TENM4: variants seen among roughly 807,000 people sequenced by gnomAD.
TENM4 encodes the protein teneurin-4.
TENM4 carries 82 observed loss-of-function variants against 243.3 expected under a neutral mutation model. The ratio of observed to expected loss-of-function variants is 0.34; its 90% CI spans 0.28 to 0.40. The LOEUF (loss-of-function observed/expected upper bound fraction) is 0.40. TENM4 is among the 10% of genes least tolerant of loss of function. The probability of loss-of-function intolerance (pLI) is 1.00; values close to 1 mark genes in which losing one functional copy is unlikely to be tolerated. For synonymous variants in TENM4, 1,412 were observed against 1,456.3 expected, an observed-to-expected ratio of 0.97 and a Z score of 0.69; for missense variants, 3,138 against 3,673.3, an observed-to-expected ratio of 0.85 and a Z score of 3.77.
chr11:79,430,829 A>G (rs1050620100), intron 1 of TENM4, among the ~76,000 whole-genome samples: 30 of 152,170 alleles, frequency 2.0e-4, no homozygotes, highest in African/African-American at 5.8e-4. Context: ...AGAATCACCT[A>G]CTACATGTAG....
intron 6 of TENM4, among the ~76,000 whole-genome samples, chr11:78,932,384 G>GA (rs1329760636): frequency 6.6e-6 from 1 of 152,196 alleles, no homozygotes; most frequent in East Asian, 1.9e-4. Context: ...TGATGATGCT[G>GA]TGGCCTCCGA....
At chr11:78,967,420 G>A (rs1857459688) in intron 6 of TENM4, among the ~76,000 whole-genome samples, 1 of 152,192 alleles carries the variant, frequency 6.6e-6, no homozygotes, top group African/African-American at 2.4e-5. Context: ...GAGAACACTA[G>A]AAAAAGGAAA....
chr11:79,422,067 G>C (rs1027417265), intron 1 of TENM4: 1 of 153,464 alleles, frequency 6.5e-6, no homozygotes, highest in Non-Finnish European at 1.5e-5. Flanking sequence ...ATTCCCCCAG[G>C]ATGCAATAAC....
At chr11:79,298,252 A>G (rs530716054) in intron 1 of TENM4, among the ~76,000 whole-genome samples, 1 of 152,148 alleles carries the variant, frequency 6.6e-6, no homozygotes, top group Non-Finnish European at 1.5e-5. Context: ...CCTCATATGA[A>G]AAACAGGAAT....
intron 6 of TENM4, among the ~76,000 whole-genome samples, chr11:78,925,021 G>A (rs1051430187): frequency 3.9e-4 from 59 of 152,292 alleles, no homozygotes; most frequent in African/African-American, 1.3e-3. Flanking sequence ...AAAATTAAAA[G>A]TAATTTCATA....
At chr11:78,711,564 A>G (rs565058153) in intron 26 of TENM4, among the ~76,000 whole-genome samples, 120 of 152,344 alleles carry the variant, frequency 7.9e-4, no homozygotes, top group African/African-American at 2.7e-3. Context: ...TCTACAGGTT[A>G]TTATTAAACA....
At chr11:79,392,344 A>T (rs1022906778) in intron 1 of TENM4, among the ~76,000 whole-genome samples, 7 of 152,230 alleles carry the variant, frequency 4.6e-5, no homozygotes, top group Non-Finnish European at 1.0e-4. Context: ...GAAATGGAAC[A>T]GTTACTTCAT....
intron 6 of TENM4, among the ~76,000 whole-genome samples, chr11:78,965,821 GTTA>G (rs10578248): frequency 0.31 from 47,501 of 151,920 alleles, 8,380 homozygotes; most frequent in Non-Finnish European, 0.41. Flanking sequence ...GTGAAGTACA[GTTA>G]TTATTGGAAA....
At position 78,663,546 on chromosome 11, in the gene TENM4, T is replaced by G. The variant is rs758567401; in HGVS notation, c.7409-1955A>C. Among the ~76,000 whole-genome samples, 37 of 152,154 alleles carry G rather than the reference T, an allele frequency of 2.4e-4. 1 individual carries two copies. The highest frequency in any genetic ancestry group is 1.0e-4 in the Non-Finnish European group (7 of 68,030). ...CGTGTGGCACCCCTCCCTTCTCTCT[T>G]GCTACCTCTCTTGCCATGGCCACAC... On this transcript the variant is annotated intron_variant, in intron 32 of 33. Transcript: ENST00000278550.
At chr11:78,702,724 C>T (rs749359297) in intron 27 of TENM4, among the ~76,000 whole-genome samples, 1 of 152,168 alleles carries the variant, frequency 6.6e-6, no homozygotes, top group East Asian at 1.9e-4. Context: ...CTACTTATGA[C>T]TGTGGGCAAG....
chr11:79,012,168 A>G (rs986828931), intron 6 of TENM4, among the ~76,000 whole-genome samples: 3 of 152,148 alleles, frequency 2.0e-5, no homozygotes, highest in Non-Finnish European at 4.4e-5. Context: ...GATCAGCACA[A>G]TTTCCAGATA....
chr11:79,158,670 G>A (rs1367048607), intron 3 of TENM4, among the ~76,000 whole-genome samples: 1 of 152,160 alleles, frequency 6.6e-6, no homozygotes, highest in Non-Finnish European at 1.5e-5. Context: ...TACACACACT[G>A]TCACATTTAC....
intron 28 of TENM4, among the ~76,000 whole-genome samples, chr11:78,691,735 A>G (rs1217346565): frequency 1.3e-5 from 2 of 152,230 alleles, no homozygotes; most frequent in Admixed American, 6.5e-5. Context: ...GAGGGTCAAA[A>G]AAACAGTAAT....
intron 12 of TENM4, among the ~76,000 whole-genome samples, chr11:78,827,632 G>A (rs1324264382): frequency 2.0e-5 from 3 of 152,112 alleles, no homozygotes; most frequent in Non-Finnish European, 2.9e-5. Flanking sequence ...TGGGAATGCA[G>A]GCATGCACCA....
intron 19 of TENM4, among the ~76,000 whole-genome samples, chr11:78,742,129 A>G (rs1364471140): frequency 2.0e-4 from 31 of 152,024 alleles, no homozygotes; most frequent in Admixed American, 2.0e-3. Flanking sequence ...TGTTTATATC[A>G]TTTGCATTAT....
chr11:79,319,674 T>C (rs1442885794), intron 1 of TENM4, among the ~76,000 whole-genome samples: 2 of 151,978 alleles, frequency 1.3e-5, no homozygotes, highest in Non-Finnish European at 2.9e-5. Context: ...ATCCAGACGA[T>C]AGCAAAGGGA....
rs547838583 is a variant in TENM4, at chr11:79,325,330, T to C, written c.-320-27787A>G. 6.6e-5 allele frequency among the ~76,000 whole-genome samples: 10 copies of C among 152,294 alleles called. No individual in the cohort carries two copies. The South Asian group carries it at 1.9e-3, about 28-fold the overall frequency. On this transcript the variant is annotated intron_variant, in intron 1 of 33. Coordinates refer to ENST00000278550, the MANE Select transcript of TENM4 (RefSeq NM_001098816.3). ...TGTCAAGTGCACTATAAAGGAGGAATGACCACATCCATTTTGAGGGAACTT... is the reference window on the plus strand; with the variant it reads ...TGTCAAGTGCACTATAAAGGAGGAACGACCACATCCATTTTGAGGGAACTT...
chr11:79,029,667 G>A (rs1227748370), intron 6 of TENM4, among the ~76,000 whole-genome samples: 2 of 152,136 alleles, frequency 1.3e-5, no homozygotes, highest in Admixed American at 6.5e-5. Flanking sequence ...CTCATTCCCA[G>A]AGGGGCCTTC....
intron 2 of TENM4, among the ~76,000 whole-genome samples, chr11:79,258,145 CAAATAGGCCTTTGGAGTCAGAT>C (rs776348849): frequency 6.6e-6 from 1 of 152,146 alleles, no homozygotes; most frequent in African/African-American, 2.4e-5. Flanking sequence ...TAGAGTCAGA[CAAATAGGCCTTTGGAGTCAGAT>C]AAATAGGCCT....
Sources: allele counts gnomAD v4.1 joint callset (sites outside exome capture counted in the v4.1 genomes callset), GRCh38; gene constraint gnomAD v4.1.1; transcripts MANE v1.5; gene names NCBI Gene and HGNC (gene_info 2026-07-23, HGNC 2026-07-21).